NAV3: variants seen among roughly 807,000 people sequenced by gnomAD.
NAV3 encodes the protein pore membrane and/or filament interacting like protein 1.
A neutral mutation model predicts 244.7 loss-of-function variants in NAV3; 87 were observed. The ratio of observed to expected loss-of-function variants is 0.36; its 90% CI spans 0.30 to 0.42. The LOEUF is 0.42. Ranked by LOEUF, NAV3 falls within the 20% of genes least tolerant of loss-of-function variation. NAV3 has a pLI of 1.00. For synonymous variants in NAV3, 1,126 were observed against 1,042.2 expected (o/e 1.08, Z -1.55); for missense variants, 2,663 against 2,893.3 (o/e 0.92, Z 1.83).
intron 5 of NAV3, among the ~76,000 whole-genome samples, chr12:77,984,522 A>G (rs918643827): frequency 6.6e-6 from 1 of 150,624 alleles, no homozygotes; most frequent in Non-Finnish European, 1.5e-5. Context: ...TCTTTACCAG[A>G]CACCCTTCTA....
chr12:77,897,835 A>T (rs1220361793), intron 1 of NAV3, among the ~76,000 whole-genome samples: 1 of 152,104 alleles, frequency 6.6e-6, no homozygotes, highest in African/African-American at 2.4e-5. Flanking sequence ...AAGCCTCAAG[A>T]GTGTGTATCT....
intron 2 of NAV3, among the ~76,000 whole-genome samples, chr12:77,696,945 G>T (rs1336301866): frequency 1.3e-5 from 2 of 152,118 alleles, no homozygotes; most frequent in Admixed American, 1.3e-4. Context: ...TACCTGTTTA[G>T]TTCATTAGCT....
In NAV3 at chr12:78,004,371, A is replaced by T. The variant is rs146999428; in HGVS notation, c.881-2048A>T. ...AGAGGAAGCAGAAGACAGGGAGTGG[A>T]AGCAAATTGCTATTTGGGGACCATA... On this transcript the variant is annotated intron_variant, in intron 7 of 39. Coordinates refer to ENST00000397909, the MANE Select transcript of NAV3 (RefSeq NM_001024383.2). 1.4e-3 allele frequency among the ~76,000 whole-genome samples: 210 copies of T among 152,266 alleles called. 2 individuals carry two copies. Among genetic ancestry groups the T allele is most frequent in the African/African-American group, 4.7e-3 (195 of 41,552 alleles).
intron 1 of NAV3, among the ~76,000 whole-genome samples, chr12:77,867,970 C>T (rs1880334499): frequency 6.6e-6 from 1 of 152,168 alleles, no homozygotes; most frequent in African/African-American, 2.4e-5. Context: ...AGTGGACTTA[C>T]ACCAGATACT....
At chr12:78,011,606 A>G (rs1191335711) in intron 8 of NAV3, among the ~76,000 whole-genome samples, 1 of 152,168 alleles carries the variant, frequency 6.6e-6, no homozygotes, top group Admixed American at 6.5e-5. Flanking sequence ...CTACAATTTT[A>G]TAATCCAGGC....
At position 78,212,200 on chromosome 12, in the gene NAV3, A is replaced by C. The variant is rs1252690038; in HGVS notation, c.*1683A>C. 6.6e-6 allele frequency: 1 copy of C among 152,664 alleles called. No homozygotes were observed. Among genetic ancestry groups the C allele is most frequent in the East Asian group, 1.9e-4 (1 of 5,190 alleles). 9.5% of individuals were successfully genotyped at this position (152,664 alleles called of 1,614,324 possible). Reference sequence around the variant, plus strand: ...GTACATCTGTCATGGCAGGCTTTAAAGAGAGTGCATGAAAACTGATCAGTC... The same window carrying C: ...GTACATCTGTCATGGCAGGCTTTAACGAGAGTGCATGAAAACTGATCAGTC... On this transcript the variant is annotated 3_prime_UTR_variant, in exon 40 of 40. Transcript: ENST00000397909.
At chr12:77,791,048 T>A (rs1871153802) in intron 2 of NAV3, among the ~76,000 whole-genome samples, 1 of 152,194 alleles carries the variant, frequency 6.6e-6, no homozygotes. Flanking sequence ...TTTGTTCCTG[T>A]AGGACAATAA....
rs768748970 is a variant in NAV3 at position 78,177,313 on chromosome 12, C to T, written c.5297C>T (p.Ala1766Val). The change falls in exon 27 of 40, where the codon GCG becomes GTG. Residue 1766 changes from alanine (A) to valine (V), a missense_variant and splice_region_variant. Ala to Val is a moderately conservative substitution (Grantham distance 64). This residue lies in a region of NAV3 where 193 missense variants were observed against 200.7 expected (regional missense o/e 0.96). Coordinates refer to ENST00000397909, the MANE Select transcript of NAV3 (RefSeq NM_001024383.2). Reference protein sequence around the residue: ...ASMKPSQSASASPLVWPPKKR... With the variant: ...ASMKPSQSASVSPLVWPPKKR... ...ATGAAGCCCTCACAATCTGCTTCAG[C>T]GTAAGTTGCTCCTTCTGCAAAATGC... 77 of 1,599,668 alleles carry T rather than the reference C, an allele frequency of 4.8e-5. No homozygotes were observed. The highest frequency in any genetic ancestry group is 6.0e-5 in the Non-Finnish European group (70 of 1,176,132).
At chr12:77,645,839 G>C (rs1260009698) in intron 2 of NAV3, among the ~76,000 whole-genome samples, 1 of 151,998 alleles carries the variant, frequency 6.6e-6, no homozygotes, top group Non-Finnish European at 1.5e-5. Flanking sequence ...GCTCAGTTTT[G>C]AGGAGGAGTT....
chr12:77,867,811 A>T (rs1480719825), intron 1 of NAV3, among the ~76,000 whole-genome samples: 1 of 152,220 alleles, frequency 6.6e-6, no homozygotes, highest in African/African-American at 2.4e-5. Flanking sequence ...ACCAGAAAGT[A>T]ATAATGTGAC....
chr12:78,140,470 T>A (rs1428822692), intron 20 of NAV3, 136 bp downstream of exon 20: 3 of 756,784 alleles, frequency 4.0e-6, no homozygotes, highest in Admixed American at 2.2e-5. Context: ...CGGCATACTC[T>A]AAGCTGCCCA....
chr12:77,650,318 G>T (rs117769387), intron 2 of NAV3, among the ~76,000 whole-genome samples: 3,774 of 152,230 alleles, frequency 0.025, 60 homozygotes, highest in Middle Eastern at 0.082. Flanking sequence ...CTCTACTGTG[G>T]AGGAGAGGGT....
chr12:77,795,689 G>T (rs911063305), intron 2 of NAV3, among the ~76,000 whole-genome samples: 1 of 152,084 alleles, frequency 6.6e-6, no homozygotes. Context: ...TCTTCAAAGG[G>T]TAGGCTGACT....
intron 2 of NAV3, among the ~76,000 whole-genome samples, chr12:77,666,270 A>T (rs970171940): frequency 6.6e-6 from 1 of 151,456 alleles, no homozygotes; most frequent in East Asian, 1.9e-4. Flanking sequence ...TTATTGGCCA[A>T]ACAGTAGATC....
chr12:77,706,870 C>CAAAAAAAAAAAAAAA (rs34067727), intron 2 of NAV3, among the ~76,000 whole-genome samples: 7 of 68,034 alleles, frequency 1.0e-4, no homozygotes, highest in Admixed American at 2.4e-4. Flanking sequence ...GACTCTGTTT[C>CAAAAAAAAAAAAAAA]AAAAAAAAAA....
intron 2 of NAV3, among the ~76,000 whole-genome samples, chr12:77,632,204 C>T (rs1871939391): frequency 6.6e-6 from 1 of 151,952 alleles, no homozygotes; most frequent in Non-Finnish European, 1.5e-5. Context: ...ATGTTTTTCC[C>T]AAGGGGTTGT....
intron 12 of NAV3, among the ~76,000 whole-genome samples, chr12:78,068,404 T>C (rs1006831355): frequency 6.6e-6 from 1 of 150,986 alleles, no homozygotes; most frequent in Non-Finnish European, 1.5e-5. Context: ...ATACTATAAA[T>C]AGTTTTTTTA....
In NAV3 at chr12:77,731,968, G is replaced by C. The variant is rs371224598; in HGVS notation, c.72+159702G>C. On this transcript the variant is annotated intron_variant, in intron 2 of 8. Transcript: ENST00000550042. ...GGGGAAGGACAGTTTTCATATGGGAGGAGCTCGAATAGGTTTATAGGCTAC... is the reference window on the plus strand; with the variant it reads ...GGGGAAGGACAGTTTTCATATGGGACGAGCTCGAATAGGTTTATAGGCTAC... Among the ~76,000 whole-genome samples, 25 of 151,926 alleles carry C rather than the reference G, an allele frequency of 1.6e-4. 1 individual carries two copies. The highest frequency in any genetic ancestry group is 5.8e-4 in the African/African-American group (24 of 41,482).
At chr12:77,722,363 A>G (rs763538841) in intron 2 of NAV3, among the ~76,000 whole-genome samples, 12 of 152,236 alleles carry the variant, frequency 7.9e-5, no homozygotes, top group East Asian at 1.9e-4. Flanking sequence ...GGAAAACTAC[A>G]TGCTGTGTAT....
Sources: allele counts gnomAD v4.1 joint callset (sites outside exome capture counted in the v4.1 genomes callset), GRCh38; gene constraint gnomAD v4.1.1; regional missense constraint gnomAD v4.1.1; transcripts MANE v1.5; gene names NCBI Gene and HGNC (gene_info 2026-07-23, HGNC 2026-07-21).